Variants in EXOC4 observed in about 807,000 individuals in gnomAD.
The protein encoded by EXOC4 is SEC8-like 1.
A neutral mutation model predicts 107.2 loss-of-function variants in EXOC4; 71 were observed. The observed-to-expected ratio is 0.66, with a 90% CI of 0.55 to 0.81. EXOC4 has a LOEUF of 0.81. EXOC4 is among the 30% of genes least tolerant of loss of function. The pLI is 0.00. For synonymous variants in EXOC4, 456 were observed against 441.2 expected, an observed-to-expected ratio of 1.03 and a Z score of -0.42; for missense variants, 1,108 against 1,189.6, an observed-to-expected ratio of 0.93 and a Z score of 1.01.
chr7:133,370,142 C>CT (rs1796342359), intron 6 of EXOC4, among the ~76,000 whole-genome samples: 2 of 127,206 alleles, frequency 1.6e-5, no homozygotes, highest in South Asian at 6.4e-4. Context: ...CCCGCCCACC[C>CT]TCCCCCCCAA....
intron 9 of EXOC4, among the ~76,000 whole-genome samples, chr7:133,607,611 G>C (rs1801979317): frequency 6.6e-6 from 1 of 152,160 alleles, no homozygotes; most frequent in Non-Finnish European, 1.5e-5. Flanking sequence ...CTACAGAGTT[G>C]TACATAAAAG....
At position 133,923,745 on chromosome 7, in the gene EXOC4, A is replaced by C. The variant is rs566783075; in HGVS notation, c.2027+6007A>C. ...CTTAATGGTGTCTTTTACTAAACAG[A>C]CTTTTTAAAGTTTTAATAAATTTAA... On this transcript the variant is annotated intron_variant, in intron 13 of 17. Coordinates refer to ENST00000253861, the MANE Select transcript of EXOC4 (RefSeq NM_021807.4). 4.6e-5 allele frequency among the ~76,000 whole-genome samples: 7 copies of C among 152,286 alleles called. No homozygotes were observed. The South Asian group carries it at 1.5e-3, about 32-fold the overall frequency.
At chr7:133,862,578 A>G (rs1471671092) in intron 11 of EXOC4, among the ~76,000 whole-genome samples, 3 of 152,198 alleles carry the variant, frequency 2.0e-5, no homozygotes, top group African/African-American at 7.2e-5. Context: ...TGACTAAAGT[A>G]CTAGTTACAA....
chr7:133,944,989 G>A (rs535597528), intron 14 of EXOC4, among the ~76,000 whole-genome samples: 1 of 152,116 alleles, frequency 6.6e-6, no homozygotes, highest in Non-Finnish European at 1.5e-5. Context: ...AATGTGCATT[G>A]TTGACTCAAA....
At chr7:133,465,333 T>C (rs950647206) in intron 7 of EXOC4, among the ~76,000 whole-genome samples, 4 of 152,230 alleles carry the variant, frequency 2.6e-5, no homozygotes, top group African/African-American at 9.6e-5. Context: ...TTATTTGTCT[T>C]TGTTTTTTAA....
chr7:134,016,883 AC>A (rs1794921223), intron 17 of EXOC4, among the ~76,000 whole-genome samples: 1 of 152,196 alleles, frequency 6.6e-6, no homozygotes, highest in African/African-American at 2.4e-5. Context: ...GGAACTGCCC[AC>A]AGACAGCCAG....
intron 4 of EXOC4, among the ~76,000 whole-genome samples, chr7:133,311,440 G>T (rs1442096454): frequency 6.6e-6 from 1 of 152,094 alleles, no homozygotes; most frequent in Non-Finnish European, 1.5e-5. Flanking sequence ...AGTTCAGCTG[G>T]GGGGTAATGA....
At chr7:134,068,170 G>A (rs369260356), downstream of EXOC4, among the ~76,000 whole-genome samples, 258 of 152,262 alleles carry the variant, frequency 1.7e-3, no homozygotes, top group Middle Eastern at 0.01. Context: ...CTTGTGAAAA[G>A]CCTCTGCTTT....
intron 7 of EXOC4, among the ~76,000 whole-genome samples, chr7:133,378,084 G>T (rs905690112): frequency 6.6e-6 from 1 of 152,064 alleles, no homozygotes; most frequent in Non-Finnish European, 1.5e-5. Flanking sequence ...CCCGAGGCGG[G>T]TGGATCACGA....
At chr7:133,900,559 T>C (rs887877598) in intron 12 of EXOC4, among the ~76,000 whole-genome samples, 6 of 152,188 alleles carry the variant, frequency 3.9e-5, no homozygotes, top group Non-Finnish European at 8.8e-5. Context: ...GTGTTAAGCA[T>C]GGAGTGCCAC....
chr7:133,716,811 G>A (rs577706492), intron 10 of EXOC4, among the ~76,000 whole-genome samples: 5 of 151,962 alleles, frequency 3.3e-5, no homozygotes, highest in East Asian at 1.9e-4. Context: ...GTGGTGGTGC[G>A]CACCTGTATT....
intron 13 of EXOC4, among the ~76,000 whole-genome samples, chr7:133,936,730 G>C (rs1176908172): frequency 6.6e-6 from 1 of 152,130 alleles, no homozygotes; most frequent in Admixed American, 6.5e-5. Flanking sequence ...CACGATCTCG[G>C]CTCACTGCAA....
At chr7:133,623,139 C>CT (rs1213130428) in intron 9 of EXOC4, among the ~76,000 whole-genome samples, 2 of 152,004 alleles carry the variant, frequency 1.3e-5, no homozygotes, top group Non-Finnish European at 1.5e-5. Context: ...CCTTCTTTTC[C>CT]TTTTTTTCTA....
rs1163259405 is a variant in EXOC4 at position 133,787,963 on chromosome 7, TTATATATATATATATATATATATATATA to T, written c.1515-29340_1515-29313del. Among the ~76,000 whole-genome samples the T allele has an allele frequency of 6.7e-3, 274 of 40,972 alleles. 13 individuals carry two copies. The highest frequency in any genetic ancestry group is 0.013 in the Admixed American group (34 of 2,560). 26.9% of individuals were successfully genotyped at this position (40,972 alleles called of 152,430 possible). A position where few individuals can be genotyped will look rare whatever the true frequency, so the allele number is the denominator to read the frequency against. On this transcript the variant is annotated intron_variant, in intron 10 of 17. Coordinates refer to ENST00000253861, the MANE Select transcript of EXOC4 (RefSeq NM_021807.4). Reference sequence around the variant, plus strand: ...CTTCCCTGTGCATATATTTATATATTTATATATATATATATATATATATATATATATATATATATATATATATATGGAA... The same window carrying T: ...CTTCCCTGTGCATATATTTATATATTTATATATATATATATATATATGGAA...
At chr7:133,764,027 C>G (rs1434564712) in intron 10 of EXOC4, among the ~76,000 whole-genome samples, 2 of 152,064 alleles carry the variant, frequency 1.3e-5, no homozygotes, top group Non-Finnish European at 2.9e-5. Flanking sequence ...ATTCTTTAAC[C>G]TTGTGACTTT....
Position 133,887,438 on chromosome 7 carries a change from T to C in EXOC4, c.1735-8161T>C, listed in dbSNP as rs1451697489. On this transcript the variant is annotated intron_variant, in intron 11 of 17. Transcript: ENST00000253861. ...AAGAAAAGAGGAATGCTGATCCCTC[T>C]TGAGAGGCTGATAATCTATTCAGAA... Among the ~76,000 whole-genome samples, 3 of 152,152 alleles carry C rather than the reference T, an allele frequency of 2.0e-5. No individual in the cohort carries two copies. The East Asian group carries it at 5.8e-4, about 29-fold the overall frequency.
chr7:133,986,297 G>C (rs1476573033), intron 14 of EXOC4, among the ~76,000 whole-genome samples: 2 of 152,204 alleles, frequency 1.3e-5, no homozygotes, highest in Non-Finnish European at 2.9e-5. Context: ...AAAATGAAGA[G>C]AGCTTTCCAA....
At chr7:133,405,582 A>G (rs1797198496) in intron 7 of EXOC4, among the ~76,000 whole-genome samples, 1 of 152,162 alleles carries the variant, frequency 6.6e-6, no homozygotes, top group African/African-American at 2.4e-5. Flanking sequence ...CCTTAATCCA[A>G]ATATACAGTA....
intron 9 of EXOC4, among the ~76,000 whole-genome samples, chr7:133,493,344 G>A (rs1334778229): frequency 1.3e-5 from 2 of 152,178 alleles, no homozygotes; most frequent in Admixed American, 6.5e-5. Flanking sequence ...GGCTGAGGCA[G>A]GAGAATTACG....
Sources: allele counts gnomAD v4.1 joint callset (sites outside exome capture counted in the v4.1 genomes callset), GRCh38; gene constraint gnomAD v4.1.1; transcripts MANE v1.5; gene names NCBI Gene and HGNC (gene_info 2026-07-23, HGNC 2026-07-21).